The following RAI14 variants were observed in gnomAD, a reference collection of about 807,000 sequenced individuals.
RAI14 encodes ankycorbin.
Under a neutral mutation model 115.4 loss-of-function variants are expected in RAI14, and 45 were observed. The observed-to-expected ratio is 0.39, with a 90% CI of 0.31 to 0.50. The LOEUF (loss-of-function observed/expected upper bound fraction) is 0.50. Ranked by LOEUF, RAI14 falls within the 20% of genes least tolerant of loss-of-function variation. The pLI, the probability that RAI14 is intolerant of heterozygous loss-of-function variation, is 0.85. For synonymous variants in RAI14, 371 were observed against 415.4 expected, an observed-to-expected ratio of 0.89 and a Z score of 1.30; for missense variants, 939 against 1,131.2, an observed-to-expected ratio of 0.83 and a Z score of 2.44.
intron 2 of RAI14, among the ~76,000 whole-genome samples, chr5:34,734,313 C>T (rs568916533): frequency 6.3e-4 from 96 of 152,312 alleles, no homozygotes; most frequent in Non-Finnish European, 1.1e-3. Context: ...TTGCCCGCTC[C>T]CCAGTGTTCT....
intron 1 of RAI14, 102 bp from the exon 2 acceptor site, chr5:34,686,770 C>G (rs555790577): frequency 1.0e-5 from 6 of 588,474 alleles, no homozygotes; most frequent in Non-Finnish European, 1.7e-5. Flanking sequence ...ACCTTCCCAA[C>G]GCAACCCTGC....
chr5:34,667,834 A>G (rs1350059135), intron 1 of RAI14, among the ~76,000 whole-genome samples: 2 of 152,182 alleles, frequency 1.3e-5, no homozygotes, highest in Non-Finnish European at 2.9e-5. Flanking sequence ...GAACCGTGTA[A>G]CAAATGTTTG....
intron 2 of RAI14, among the ~76,000 whole-genome samples, chr5:34,703,452 A>G (rs1314481381): frequency 2.0e-5 from 3 of 152,220 alleles, no homozygotes; most frequent in Non-Finnish European, 4.4e-5. Context: ...TGTTTTATGT[A>G]TTATTACTAA....
chr5:34,814,166 C>T (rs1413110836), intron 11 of RAI14, among the ~76,000 whole-genome samples: 2 of 152,038 alleles, frequency 1.3e-5, no homozygotes, highest in South Asian at 2.1e-4. Flanking sequence ...GAGGAGGAAG[C>T]TCAGTAATCT....
rs763541929 is a variant in RAI14, at chr5:34,830,876, C to CG, written c.*112dup. 291 of 1,518,546 alleles carry CG rather than the reference C, an allele frequency of 1.9e-4. No individual in the cohort carries two copies. Among genetic ancestry groups the CG allele is most frequent in the Non-Finnish European group, 2.4e-4 (272 of 1,131,838 alleles). 94.1% of individuals were successfully genotyped at this position (1,518,546 alleles called of 1,614,324 possible). On this transcript the variant is annotated 3_prime_UTR_variant, in exon 18 of 18. Coordinates refer to ENST00000265109, the MANE Select transcript of RAI14 (RefSeq NM_015577.3). ...ATTCGTGGTATGCACTGTGGCCTAG[C>CG]GTAGCTTCTTCCCTTTCCAAAGGTT... is the stretch of plus-strand genomic sequence containing the variant.
At chr5:34,759,140 A>G (rs1208802513) in intron 3 of RAI14, among the ~76,000 whole-genome samples, 2 of 152,094 alleles carry the variant, frequency 1.3e-5, no homozygotes, top group African/African-American at 4.8e-5. Context: ...GCAGGCACCT[A>G]TAATCTCAGC....
intron 3 of RAI14, among the ~76,000 whole-genome samples, chr5:34,774,023 GA>G (rs966022533): frequency 1.8e-4 from 28 of 152,034 alleles, no homozygotes; most frequent in Non-Finnish European, 2.9e-4. Context: ...TTTTATATTG[GA>G]AAAAAACCAA....
chr5:34,665,198 T>TATATACACAC (rs369742853), intron 1 of RAI14, among the ~76,000 whole-genome samples: 1 of 75,718 alleles, frequency 1.3e-5, no homozygotes, highest in Admixed American at 1.4e-4. Context: ...TGTATATATA[T>TATATACACAC]ACACACACCA....
At chr5:34,828,779 G>A (rs908986013) in intron 16 of RAI14, among the ~76,000 whole-genome samples, 1 of 152,088 alleles carries the variant, frequency 6.6e-6, no homozygotes, top group African/African-American at 2.4e-5. Flanking sequence ...AAGCATCAGC[G>A]GCTGTATTGA....
At position 34,818,832 on chromosome 5, in the gene RAI14, A is replaced by G. The variant is rs768839152; in HGVS notation, c.975A>G (p.Arg325=). 12 of 1,611,276 alleles carry G rather than the reference A, an allele frequency of 7.4e-6. No homozygotes were observed. In the East Asian group the frequency reaches 2.7e-4, roughly 36 times the overall value. The change falls in exon 13 of 18, where the codon AGA becomes AGG. Residue 325 remains arginine (R), a synonymous_variant. Coordinates refer to ENST00000265109, the MANE Select transcript of RAI14 (RefSeq NM_015577.3). Reference sequence around the variant, plus strand: ...GTTCTATACGAGAAAACAAAGACAGACTAAGTGACAGTACTACAGGTAAGA... The same window carrying G: ...GTTCTATACGAGAAAACAAAGACAGGCTAAGTGACAGTACTACAGGTAAGA... ...EISSIRENKD[R]LSDSTTGADS...
intron 3 of RAI14, among the ~76,000 whole-genome samples, chr5:34,793,041 C>T (rs1000185736): frequency 1.3e-5 from 2 of 152,140 alleles, no homozygotes; most frequent in African/African-American, 4.8e-5. Context: ...TTTATTAAAG[C>T]GTATGCAATG....
At chr5:34,758,312 A>ACCTGCTTCTGTAG (rs1748167707) in intron 3 of RAI14, among the ~76,000 whole-genome samples, 1 of 152,238 alleles carries the variant, frequency 6.6e-6, no homozygotes, top group Admixed American at 6.5e-5. Flanking sequence ...GGGTGCCCTC[A>ACCTGCTTCTGTAG]GAAGCAGGCT....
Position 34,812,352 on chromosome 5 carries a change from T to G in RAI14, c.765+144T>G, listed in dbSNP as rs190753061. The G allele has an allele frequency of 4.0e-4, 340 of 852,826 alleles. 2 individuals carry two copies. The African/African-American group carries it at 4.7e-3, about 12-fold the overall frequency. The allele number at this position is 852,826 out of a possible 1,614,324, so 52.8% of individuals were successfully genotyped here. A position where few individuals can be genotyped will look rare whatever the true frequency, so the allele number is the denominator to read the frequency against. On this transcript the variant is annotated intron_variant, in intron 10 of 17. Coordinates refer to ENST00000265109, the MANE Select transcript of RAI14 (RefSeq NM_015577.3). ...AGGGACTGAAATATCTTTGAATAAA[T>G]AAGTCATTGTTATAAGGTGTTAAAG...
intron 3 of RAI14, among the ~76,000 whole-genome samples, chr5:34,787,681 G>T (rs1318430833): frequency 1.3e-5 from 2 of 151,972 alleles, no homozygotes; most frequent in Non-Finnish European, 2.9e-5. Flanking sequence ...TGATGTTGTT[G>T]CCAGCTTTGT....
At chr5:34,811,416 T>A (rs928100032) in intron 8 of RAI14, among the ~76,000 whole-genome samples, 7 of 152,154 alleles carry the variant, frequency 4.6e-5, no homozygotes, top group Admixed American at 1.3e-4. Flanking sequence ...ATTGGTTGTT[T>A]TGGAGAAATG....
intron 4 of RAI14, among the ~76,000 whole-genome samples, chr5:34,802,222 C>A (rs1331025445): frequency 6.6e-6 from 1 of 152,094 alleles, no homozygotes; most frequent in African/African-American, 2.4e-5. Flanking sequence ...CATAGGACAA[C>A]CATCCACAGC....
chr5:34,686,830 C>A, intron 1 of RAI14, 42 bp from the exon 2 acceptor site: 2 of 1,352,532 alleles, frequency 1.5e-6, no homozygotes, highest in Non-Finnish European at 2.1e-6. Context: ...GAGAGAATAC[C>A]TTATTTGGAA....
At chr5:34,826,541 C>T in intron 16 of RAI14, 62 bp downstream of exon 16, 1 of 1,565,940 alleles carries the variant, frequency 6.4e-7, no homozygotes, top group Non-Finnish European at 8.7e-7. Context: ...TTCCTACCAT[C>T]TCAGCTGCTA....
intron 4 of RAI14, among the ~76,000 whole-genome samples, chr5:34,797,209 C>A (rs1753642656): frequency 1.3e-5 from 2 of 152,206 alleles, no homozygotes; most frequent in African/African-American, 4.8e-5. Context: ...ATTAGCCTAA[C>A]TCCATTGCCT....
Sources: gnomAD v4.1 joint callset for allele counts (sites outside exome capture counted in the v4.1 genomes callset) on GRCh38, gnomAD v4.1.1 for gene constraint, MANE v1.5 for transcripts, NCBI Gene and HGNC (gene_info 2026-07-23, HGNC 2026-07-21) for gene names.